NCOA5: variants seen among roughly 807,000 people sequenced by gnomAD.
NCOA5 encodes the protein NCoA-5.
Under a neutral mutation model 59.0 loss-of-function variants are expected in NCOA5, and 12 were observed. The ratio of observed to expected loss-of-function variants is 0.20; its 90% CI spans 0.13 to 0.33. The LOEUF is 0.33. NCOA5 is among the 10% of genes least tolerant of loss of function. The pLI is 1.00. For synonymous variants in NCOA5, 270 were observed against 275.5 expected (o/e 0.98, Z 0.20); for missense variants, 655 against 766.6 (o/e 0.85, Z 1.72).
intron 2 of NCOA5, among the ~76,000 whole-genome samples, chr20:46,076,386 T>G (rs559037083): frequency 4.8e-4 from 73 of 152,328 alleles, no homozygotes; most frequent in African/African-American, 1.7e-3. Context: ...TCCAGATTAA[T>G]TACTTGCCCG....
chr20:46,087,280 T>C (rs1270542202), intron 1 of NCOA5, among the ~76,000 whole-genome samples: 1 of 152,302 alleles, frequency 6.6e-6, no homozygotes, highest in African/African-American at 2.4e-5. Flanking sequence ...TTAATATATT[T>C]CTTGTGAAGA....
chr20:46,068,692 A>G, intron 3 of NCOA5, 54 bp from the exon 4 acceptor site: 4 of 1,552,326 alleles, frequency 2.6e-6, no homozygotes, highest in Non-Finnish European at 3.5e-6. Flanking sequence ...ATCCTGAAAA[A>G]GTCACCTAGA....
chr20:46,078,240 G>A (rs1351531826), intron 2 of NCOA5, among the ~76,000 whole-genome samples: 1 of 152,250 alleles, frequency 6.6e-6, no homozygotes, highest in Non-Finnish European at 1.5e-5. Flanking sequence ...ATTCCCGGTA[G>A]CTAGAACTTC....
In NCOA5 at chr20:46,062,164, G is replaced by A; in HGVS notation, c.*136C>T. 1.6e-6 allele frequency: 1 copy of A among 641,104 alleles called. No homozygotes were observed. The highest frequency in any genetic ancestry group is 2.7e-6 in the Non-Finnish European group (1 of 374,852). 39.7% of individuals were successfully genotyped at this position (641,104 alleles called of 1,614,324 possible). A position where few individuals can be genotyped will look rare whatever the true frequency, so the allele number is the denominator to read the frequency against. On this transcript the variant is annotated 3_prime_UTR_variant, in exon 8 of 8. Transcript: ENST00000290231. ...AACACAGCCTTGGGCAGAAGAGAGA[G>A]CAGGTGGTAGAAATTGATGACACTC...
chr20:46,070,110 G>A, intron 3 of NCOA5, 100 bp downstream of exon 3: 1 of 914,942 alleles, frequency 1.1e-6, no homozygotes. Flanking sequence ...AGAAATAAAA[G>A]GCTGATAAAA....
chr20:46,071,855 C>T (rs1418844356), intron 2 of NCOA5, among the ~76,000 whole-genome samples: 3 of 152,186 alleles, frequency 2.0e-5, no homozygotes, highest in African/African-American at 4.8e-5. Flanking sequence ...GCTCAGGGCA[C>T]TTTCTATCTG....
intron 1 of NCOA5, among the ~76,000 whole-genome samples, chr20:46,089,524 C>G (rs1238010862): frequency 6.6e-6 from 1 of 152,220 alleles, no homozygotes; most frequent in Non-Finnish European, 1.5e-5. Context: ...CTCCTAGTGA[C>G]CGACCGTTCG....
At chr20:46,068,269 A>G (rs769926579) in intron 4 of NCOA5, among the ~76,000 whole-genome samples, 13 of 152,080 alleles carry the variant, frequency 8.5e-5, no homozygotes, top group Admixed American at 2.0e-4. Context: ...TTTCATATTT[A>G]TTTCTTCTTG....
rs1304289372 is a variant in NCOA5, at chr20:46,063,492, G to A, written c.1018C>T (p.Pro340Ser). 6.2e-7 allele frequency: 1 copy of A among 1,614,210 alleles called. No homozygotes were observed. ...AGGTTGATGAGGCTCTGGATGGCTG[G>A]AGGGTGGCCCCCACGCACTCCCTCC... ...PEEGVRGGHP[P>S]AIQSLINLLA... is the part of the protein sequence containing the mutation. The change falls in exon 7 of 8, where the codon CCA becomes TCA. Residue 340 changes from proline (P) to serine (S), a missense_variant. By Grantham distance (74) the Pro-to-Ser change is moderately conservative. This residue lies in a region of NCOA5 where 325 missense variants were observed against 353.2 expected (regional missense o/e 0.92). Transcript: ENST00000290231.
chr20:46,068,125 G>A (rs2084843468), intron 4 of NCOA5, among the ~76,000 whole-genome samples: 2 of 152,096 alleles, frequency 1.3e-5, no homozygotes, highest in African/African-American at 4.8e-5. Flanking sequence ...GTAGAGATGG[G>A]GTTTTATCAT....
At chr20:46,085,971 T>G (rs981944807) in intron 1 of NCOA5, among the ~76,000 whole-genome samples, 1 of 152,170 alleles carries the variant, frequency 6.6e-6, no homozygotes, top group Non-Finnish European at 1.5e-5. Context: ...AGAAAAAAAT[T>G]GAAAAAGTCA....
At chr20:46,075,901 G>A (rs2084933231) in intron 2 of NCOA5, among the ~76,000 whole-genome samples, 1 of 152,222 alleles carries the variant, frequency 6.6e-6, no homozygotes, top group Non-Finnish European at 1.5e-5. Context: ...TCCTCATGCA[G>A]AGTTCTGTGC....
At chr20:46,066,645 A>G (rs1275831141) in intron 5 of NCOA5, among the ~76,000 whole-genome samples, 1 of 152,196 alleles carries the variant, frequency 6.6e-6, no homozygotes, top group Non-Finnish European at 1.5e-5. Context: ...AGGTGGAAAC[A>G]CTGGGAAAGA....
chr20:46,073,528 G>C (rs16991058), intron 2 of NCOA5, among the ~76,000 whole-genome samples: 3 of 152,220 alleles, frequency 2.0e-5, no homozygotes, highest in Admixed American at 6.5e-5. Flanking sequence ...AAGATCCAAA[G>C]AGAAAGGACA....
Position 46,066,997 on chromosome 20 carries a change from G to A in NCOA5, c.629+58C>T. 1.0e-5 allele frequency: 16 copies of A among 1,588,680 alleles called. No homozygotes were observed. The South Asian group carries it at 1.5e-4, about 15-fold the overall frequency. ...TTCAGTGGATAGAGGTGCTAAACAGGAGCCTGAATTTCTCTGACTCTTCTC... is the reference window on the plus strand; with the variant it reads ...TTCAGTGGATAGAGGTGCTAAACAGAAGCCTGAATTTCTCTGACTCTTCTC... On this transcript the variant is annotated intron_variant, in intron 5 of 7. Transcript: ENST00000290231.
intron 1 of NCOA5, among the ~76,000 whole-genome samples, chr20:46,081,426 A>G (rs1424175116): frequency 6.6e-6 from 1 of 152,152 alleles, no homozygotes; most frequent in Non-Finnish European, 1.5e-5. Flanking sequence ...ATATCTTTGG[A>G]ACAAAACCAG....
chr20:46,068,506 T>C lies in NCOA5; in HGVS notation c.498A>G (p.Ala166=), dbSNP rs943740075. 1.9e-6 allele frequency: 3 copies of C among 1,609,882 alleles called. No individual in the cohort carries two copies. Among genetic ancestry groups the C allele is most frequent in the East Asian group, 2.2e-5 (1 of 44,830 alleles). The change falls in exon 4 of 8, where the codon GCA becomes GCG. Residue 166 remains alanine, a synonymous_variant. Transcript: ENST00000290231. Reference sequence around the variant, plus strand: ...AGACTGTTTCAGCTACTTTACCTTTTGCACGAGACTGACTTTCTGGGCCTG... The same window carrying C: ...AGACTGTTTCAGCTACTTTACCTTTCGCACGAGACTGACTTTCTGGGCCTG... ...GPPGPESQSR[A]KERLKREERR...
intron 2 of NCOA5, among the ~76,000 whole-genome samples, chr20:46,071,995 C>T (rs1266008306): frequency 1.3e-5 from 2 of 152,204 alleles, no homozygotes; most frequent in African/African-American, 4.8e-5. Context: ...GCTCCTCCTC[C>T]AGTCCTTCCC....
At position 46,063,351 on chromosome 20, in the gene NCOA5, G is replaced by A. The variant is rs1568875575; in HGVS notation, c.1150+9C>T. On this transcript the variant is annotated intron_variant, in intron 7 of 7. Coordinates refer to ENST00000290231, the MANE Select transcript of NCOA5 (RefSeq NM_020967.3). ...CAGAACTTCACCTCGGCCCTGCCAC[G>A]TAGCTCACCAGGCAGAGAGTCGGTG... is the stretch of plus-strand genomic sequence containing the variant. 5 of 1,609,600 alleles carry A rather than the reference G, an allele frequency of 3.1e-6. No homozygotes were observed. The highest frequency in any genetic ancestry group is 1.3e-5 in the African/African-American group (1 of 74,924).
Sources: gnomAD v4.1 joint callset for allele counts (sites outside exome capture counted in the v4.1 genomes callset) on GRCh38, gnomAD v4.1.1 for gene constraint, gnomAD v4.1.1 regional missense constraint, MANE v1.5 for transcripts, NCBI Gene and HGNC (gene_info 2026-07-23, HGNC 2026-07-21) for gene names.